Variants in SLC6A19 observed in about 807,000 individuals in gnomAD.
The protein encoded by SLC6A19 is sodium-dependent neutral amino acid transporter B(0)AT1.
SLC6A19 carries 67 observed loss-of-function variants against 68.3 expected under a neutral mutation model. The ratio of observed to expected loss-of-function variants is 0.98; its 90% CI spans 0.81 to 1.20. The LOEUF (loss-of-function observed/expected upper bound fraction) is 1.20. Ranked by LOEUF, SLC6A19 falls within the 50% of genes most tolerant of loss-of-function variation. The probability of loss-of-function intolerance (pLI) is 0.00; values close to 1 mark genes in which losing one functional copy is unlikely to be tolerated. For missense variants in SLC6A19, 813 were observed against 851.6 expected (o/e 0.95, Z 0.56); for synonymous variants, 392 against 374.9 (o/e 1.05, Z -0.53).
intron 1 of SLC6A19, among the ~76,000 whole-genome samples, chr5:1,203,123 C>A (rs1745761276): frequency 8.3e-6 from 1 of 120,910 alleles, no homozygotes; most frequent in Non-Finnish European, 1.9e-5. Context: ...AACTGAGTCA[C>A]AGGCTCACAT....
At chr5:1,207,175 C>T (rs986582472) in intron 1 of SLC6A19, among the ~76,000 whole-genome samples, 3 of 152,198 alleles carry the variant, frequency 2.0e-5, no homozygotes, top group African/African-American at 4.8e-5. Context: ...TCTCCACCTT[C>T]GAGTGAAGGA....
rs1043953594 is a variant in SLC6A19, at chr5:1,209,412, C to T, written c.343+526C>T. Reference sequence around the variant, plus strand: ...AAGACGGAGGAGGAAAGGGCAGGGTCCACTCCAGAGAGGAGTCTGAGTCCA... The same window carrying T: ...AAGACGGAGGAGGAAAGGGCAGGGTTCACTCCAGAGAGGAGTCTGAGTCCA... On this transcript the variant is annotated intron_variant, in intron 2 of 11. Coordinates refer to ENST00000304460, the MANE Select transcript of SLC6A19 (RefSeq NM_001003841.3). The surrounding 1 kb of genome is among the most constrained non-coding windows in gnomAD (Gnocchi z 5.5). 1.2e-4 allele frequency among the ~76,000 whole-genome samples: 19 copies of T among 152,150 alleles called. No individual in the cohort carries two copies. The highest frequency in any genetic ancestry group is 3.9e-4 in the African/African-American group (16 of 41,434).
intron 1 of SLC6A19, among the ~76,000 whole-genome samples, chr5:1,202,686 T>C (rs898600027): frequency 8.7e-6 from 1 of 115,572 alleles, no homozygotes; most frequent in African/African-American, 3.5e-5. Flanking sequence ...CTGGGGCAGT[T>C]CACGGGGGGG....
At position 1,207,091 on chromosome 5, in the gene SLC6A19, G is replaced by A. The variant is rs547868808; in HGVS notation, c.203-1655G>A. 5.1e-4 allele frequency among the ~76,000 whole-genome samples: 77 copies of A among 152,332 alleles called. 1 individual carries two copies. Among genetic ancestry groups the A allele is most frequent in the Non-Finnish European group, 6.5e-4 (44 of 68,018 alleles). ...CGGGTTCAGGTAGGAGACGCACTGC[G>A]CGGTGCCAGGCCAGCCTCGGAAGCC... On this transcript the variant is annotated intron_variant, in intron 1 of 11. Transcript: ENST00000304460.
rs1561164658 is a variant in SLC6A19, at chr5:1,211,914, CAT to C, written c.482-388_482-387del. ...CACTTGTGTGCTGTGTGTGTACATG[CAT>C]GTGTGTGCATGTGAGCATGTGTGTG... is the stretch of plus-strand genomic sequence containing the variant. On this transcript the variant is annotated intron_variant, in intron 3 of 11. Transcript: ENST00000304460. Among the ~76,000 whole-genome samples the C allele has an allele frequency of 7.7e-3, 1,105 of 143,240 alleles. 18 individuals are homozygous for C. Among genetic ancestry groups the C allele is most frequent in the African/African-American group, 0.028 (1,036 of 37,302 alleles). 94.0% of individuals were successfully genotyped at this position (143,240 alleles called of 152,430 possible). A position where few individuals can be genotyped will look rare whatever the true frequency, so the allele number is the denominator to read the frequency against.
intron 1 of SLC6A19, among the ~76,000 whole-genome samples, chr5:1,208,300 G>A (rs998858093): frequency 5.9e-5 from 9 of 152,202 alleles, no homozygotes; most frequent in Non-Finnish European, 1.2e-4. Context: ...CGTGGCAGGT[G>A]CAGCTGGCAC....
Position 1,221,226 on chromosome 5 carries a change from C to G in SLC6A19, c.1614C>G (p.Ser538Arg). The G allele has an allele frequency of 6.2e-7, 1 of 1,614,122 alleles. No individual in the cohort carries two copies. Among genetic ancestry groups the G allele is most frequent in the Non-Finnish European group, 8.5e-7 (1 of 1,180,016 alleles). Residue 538 changes from serine to arginine, a missense_variant, in exon 11 of 12, where the codon AGC becomes AGG. Coordinates refer to ENST00000304460, the MANE Select transcript of SLC6A19 (RefSeq NM_001003841.3). ...IFWQVTWRVV[S>R]PLLMLIIFLF... ...GGCAAGTCACGTGGCGCGTGGTCAG[C>G]CCCCTGCTCATGCTGATCATCTTCC... is the stretch of plus-strand genomic sequence containing the variant.
At position 1,223,118 on chromosome 5, in the gene SLC6A19, C is replaced by T. The variant is rs1224577927; in HGVS notation, c.*1214C>T. 3 of 152,250 alleles carry T rather than the reference C, an allele frequency of 2.0e-5. No individual in the cohort carries two copies. The highest frequency in any genetic ancestry group is 7.2e-5 in the African/African-American group (3 of 41,462). The allele number at this position is 152,250 out of a possible 1,614,324, so 9.4% of individuals were successfully genotyped here. The stretch of plus-strand genomic sequence containing the variant: ...TGGCGATTCTGAGAAAACTTGGCCG[C>T]ATCCACCGGGGCCCTGCCTCCAGTC... On this transcript the variant is annotated 3_prime_UTR_variant, in exon 12 of 12. Transcript: ENST00000304460.
chr5:1,208,981 T>C (rs2126497858), intron 2 of SLC6A19, 95 bp downstream of exon 2: 1 of 1,466,706 alleles, frequency 6.8e-7, no homozygotes, highest in Non-Finnish European at 9.1e-7. Flanking sequence ...CCGGCCTCGG[T>C]GCCCCTGCTC....
intron 1 of SLC6A19, among the ~76,000 whole-genome samples, chr5:1,206,652 G>A (rs1408188122): frequency 6.6e-6 from 1 of 152,154 alleles, no homozygotes; most frequent in Admixed American, 6.5e-5. Context: ...TGGGGGGCGG[G>A]AGGATGATGG....
In SLC6A19 at chr5:1,209,350, C is replaced by T. The variant is rs971926296; in HGVS notation, c.343+464C>T. On this transcript the variant is annotated intron_variant, in intron 2 of 11. Coordinates refer to ENST00000304460, the MANE Select transcript of SLC6A19 (RefSeq NM_001003841.3). The surrounding 1 kb of genome is among the most constrained non-coding windows in gnomAD (Gnocchi z 5.5). ...CCAGTGCAGCCTCACCAAGAGGACA[C>T]GGCTCATTAAGCCCTCAGAATATGG... 3.3e-5 allele frequency among the ~76,000 whole-genome samples: 5 copies of T among 152,262 alleles called. No individual in the cohort carries two copies. The highest frequency in any genetic ancestry group is 3.4e-3 in the Middle Eastern group (1 of 294).
rs1373139216 is a variant in SLC6A19 at position 1,216,791 on chromosome 5, A to G, written c.1019A>G (p.Asn340Ser). 1 of 1,613,624 alleles carries G rather than the reference A, an allele frequency of 6.2e-7. No individual in the cohort carries two copies. Among genetic ancestry groups the G allele is most frequent in the East Asian group, 2.2e-5 (1 of 44,894 alleles). Reference sequence around the variant, plus strand: ...GTCAGCCTCAATCTGACCCGCAGGAACATCCTGACCCTCATCAACGGGTTC... The same window carrying G: ...GTCAGCCTCAATCTGACCCGCAGGAGCATCCTGACCCTCATCAACGGGTTC... ...TQRYDDCFST[N>S]ILTLINGFDL... Residue 340 changes from asparagine (N) to serine (S), a missense_variant and splice_region_variant, in exon 8 of 12, where the codon AAC becomes AGC. By Grantham distance (46) the Asn-to-Ser change is conservative. Coordinates refer to ENST00000304460, the MANE Select transcript of SLC6A19 (RefSeq NM_001003841.3).
At chr5:1,216,745 C>T (rs1370396022) in intron 7 of SLC6A19, 44 bp from the exon 8 acceptor site, 1 of 1,613,600 alleles carries the variant, frequency 6.2e-7, no homozygotes, top group Non-Finnish European at 8.5e-7. Flanking sequence ...AGCCTCCCAG[C>T]CTCCCTGGCC....
At chr5:1,213,638 C>G in intron 5 of SLC6A19, 65 bp downstream of exon 5, 1 of 1,453,464 alleles carries the variant, frequency 6.9e-7, no homozygotes, top group South Asian at 1.2e-5. Flanking sequence ...GTGCCCCCGC[C>G]AGCCTCAATA....
In SLC6A19 at chr5:1,201,745, G is replaced by A. The variant is rs190631924; in HGVS notation, c.95G>A (p.Arg32Gln). 1.2e-5 allele frequency: 19 copies of A among 1,612,706 alleles called. No individual in the cohort carries two copies. The East Asian group carries it at 1.8e-4, about 15-fold the overall frequency. The change falls in exon 1 of 12, where the codon CGG becomes CAG. Residue 32 changes from arginine to glutamine, a missense_variant. Transcript: ENST00000304460. ...ATCGAGCAGGAGGAGGCCAGCTCCC[G>A]GCCGAAGTGGGACAACAAGGCGCAG... ...ETIEQEEASS[R>Q]PKWDNKAQYM...
chr5:1,221,915 C>A lies in SLC6A19; in HGVS notation c.*11C>A. On this transcript the variant is annotated 3_prime_UTR_variant, in exon 12 of 12. Coordinates refer to ENST00000304460, the MANE Select transcript of SLC6A19 (RefSeq NM_001003841.3). ...GACCTGAAGTACTGAGAAGGCCCAT[C>A]CCACGGCGTGCCATACACTGGTGTC... The A allele has an allele frequency of 1.9e-6, 3 of 1,613,146 alleles. No individual in the cohort carries two copies. Among genetic ancestry groups the A allele is most frequent in the Non-Finnish European group, 2.5e-6 (3 of 1,179,344 alleles).
At chr5:1,213,836 G>T in intron 5 of SLC6A19, 117 bp from the exon 6 acceptor site, 2 of 1,533,320 alleles carry the variant, frequency 1.3e-6, no homozygotes, top group South Asian at 1.1e-5. Context: ...GGGGGCCCTG[G>T]CCTGTCCTGA....
At chr5:1,210,608 G>C in intron 3 of SLC6A19, 27 bp downstream of exon 3, 6 of 1,610,606 alleles carry the variant, frequency 3.7e-6, no homozygotes, top group Non-Finnish European at 4.2e-6. Context: ...AGCCCCATCC[G>C]TCTCACCTGT....
chr5:1,217,796 C>T (rs574001417), intron 8 of SLC6A19, among the ~76,000 whole-genome samples: 48 of 152,362 alleles, frequency 3.2e-4, no homozygotes, highest in African/African-American at 1.1e-3. Flanking sequence ...CTTGCACAGC[C>T]ATGTGCAGCA....
Sources: allele counts gnomAD v4.1 joint callset (sites outside exome capture counted in the v4.1 genomes callset), GRCh38; gene constraint gnomAD v4.1.1; non-coding constraint Gnocchi (gnomAD v3.1); transcripts MANE v1.5; gene names NCBI Gene and HGNC (gene_info 2026-07-23, HGNC 2026-07-21).